Variants in KLC3 observed in about 807,000 individuals in gnomAD.
The protein encoded by KLC3 is kinesin light chain 3, also known as kinesin light chain 2.
A neutral mutation model predicts 62.9 loss-of-function variants in KLC3; 72 were observed. That is an observed-to-expected ratio of 1.15 (90% CI 0.95 to 1.39). KLC3 has a LOEUF of 1.39. Among genes scored for constraint, KLC3 ranks in the 40% most tolerant of loss-of-function variants. KLC3 has a pLI of 0.00. For synonymous variants in KLC3, 377 were observed against 300.5 expected, an observed-to-expected ratio of 1.25 and a Z score of -2.63; for missense variants, 848 against 691.6, an observed-to-expected ratio of 1.23 and a Z score of -2.54.
rs1486176055 is a variant in KLC3 at position 45,345,814 on chromosome 19, G to A, written c.258+15G>A. Reference sequence around the variant, plus strand: ...GCGAGGCCCAGGTATGAGGGGGCCAGGTGGGGAGCTGGGGGAAGGTCAGCT... The same window carrying A: ...GCGAGGCCCAGGTATGAGGGGGCCAAGTGGGGAGCTGGGGGAAGGTCAGCT... On this transcript the variant is annotated intron_variant, in intron 2 of 12. Coordinates refer to ENST00000391946, the MANE Select transcript of KLC3 (RefSeq NM_177417.3). 1.9e-6 allele frequency: 3 copies of A among 1,541,102 alleles called. No individual in the cohort carries two copies. In the Admixed American group the frequency reaches 6.0e-5, roughly 31 times the overall value.
chr19:45,351,424 A>C lies in KLC3; in HGVS notation c.*67A>C. On this transcript the variant is annotated 3_prime_UTR_variant, in exon 13 of 13. Transcript: ENST00000391946. ...GCAGGAGGGATGGGCTGGTGGGGTG[A>C]GAGGGGGTCTATCATCTCCTGGCCC... 6.3e-7 allele frequency: 1 copy of C among 1,592,970 alleles called. No individual in the cohort carries two copies. Among genetic ancestry groups the C allele is most frequent in the Non-Finnish European group, 8.5e-7 (1 of 1,172,890 alleles).
At position 45,348,826 on chromosome 19, in the gene KLC3, G is replaced by A. The variant is rs763647964; in HGVS notation, c.874G>A (p.Ala292Thr). 2.0e-5 allele frequency: 32 copies of A among 1,566,740 alleles called. No homozygotes were observed. Among genetic ancestry groups the A allele is most frequent in the South Asian group, 5.9e-5 (5 of 85,184 alleles). The change falls in exon 7 of 13, where the codon GCC becomes ACC. Residue 292 changes from alanine (A) to threonine (T), a missense_variant. By Grantham distance (58) the Ala-to-Thr change is moderately conservative (BLOSUM62 0). Transcript: ENST00000391946. ...TLGPEHPAVA[A>T]TLNNLAVLYG... Reference sequence around the variant, plus strand: ...GCCTCCCCCAACCCCGCAGGTGGCCGCCACGCTCAACAACTTGGCTGTCCT... The same window carrying A: ...GCCTCCCCCAACCCCGCAGGTGGCCACCACGCTCAACAACTTGGCTGTCCT...
At chr19:45,349,054 C>G in intron 7 of KLC3, 133 bp downstream of exon 7, 2 of 761,514 alleles carry the variant, frequency 2.6e-6, no homozygotes, top group Non-Finnish European at 4.2e-6. Flanking sequence ...CAGTTGGAGC[C>G]TAGATCACCC....
At chr19:45,347,171 C>T (rs1348028520) in intron 3 of KLC3, 11 of 451,050 alleles carry the variant, frequency 2.4e-5, no homozygotes, top group East Asian at 2.1e-4. Context: ...GGAGAAACCC[C>T]GTCTCTACTA....
chr19:45,351,495 T>TTAAAGGC lies in KLC3; in HGVS notation c.*140_*146dup. The TTAAAGGC allele has an allele frequency of 6.3e-7, 1 of 1,593,802 alleles. No homozygotes were observed. The highest frequency in any genetic ancestry group is 1.7e-5 in the Admixed American group (1 of 59,620). On this transcript the variant is annotated 3_prime_UTR_variant, in exon 13 of 13. Coordinates refer to ENST00000391946, the MANE Select transcript of KLC3 (RefSeq NM_177417.3). ...GGTGGATAGCTGCCTTCTCCTGCGA[T>TTAAAGGC]TAAAGGCTGTGGACGTGACAGTGAG...
chr19:45,347,340 CAAA>C (rs538695727), intron 3 of KLC3, 104 bp from the exon 4 acceptor site: 789 of 554,766 alleles, frequency 1.4e-3, no homozygotes, highest in East Asian at 1.8e-3. Context: ...AACTCCGTCT[CAAA>C]AAAAAAAAAA....
chr19:45,347,391 C>T, intron 3 of KLC3, 56 bp from the exon 4 acceptor site: 8 of 1,351,748 alleles, frequency 5.9e-6, no homozygotes, highest in Non-Finnish European at 8.4e-6. Context: ...AGCCAGGGCC[C>T]CGGTCTCTGA....
chr19:45,349,405 T>C, intron 7 of KLC3, 24 bp from the exon 8 acceptor site: 1 of 1,585,872 alleles, frequency 6.3e-7, no homozygotes, highest in Non-Finnish European at 8.6e-7. Context: ...ATGATCCCTC[T>C]GACTTGTGAC....
intron 1 of KLC3, among the ~76,000 whole-genome samples, chr19:45,341,230 AAG>A (rs767581932): frequency 1.9e-4 from 23 of 121,146 alleles, no homozygotes; most frequent in Middle Eastern, 7.1e-3. Flanking sequence ...GCGTGTGTGT[AAG>A]AGAGTGTGTC....
At chr19:45,346,452 G>A (rs779336193) in intron 2 of KLC3, 92 bp from the exon 3 acceptor site, 4 of 1,047,664 alleles carry the variant, frequency 3.8e-6, no homozygotes, top group Non-Finnish European at 5.4e-6. Context: ...ATAGTAGTGG[G>A]GTGCTACGGC....
At chr19:45,346,327 G>C (rs1971489295) in intron 2 of KLC3, among the ~76,000 whole-genome samples, 1 of 152,270 alleles carries the variant, frequency 6.6e-6, no homozygotes, top group South Asian at 2.1e-4. Context: ...GCATTCTTCA[G>C]TAAACTGTGG....
intron 3 of KLC3, 104 bp downstream of exon 3, chr19:45,346,878 A>C: frequency 9.1e-7 from 1 of 1,104,556 alleles, no homozygotes; most frequent in Non-Finnish European, 1.3e-6. Flanking sequence ...CCTCCTTAGA[A>C]TCCCACAGTC....
At position 45,347,951 on chromosome 19, in the gene KLC3, C is replaced by T. The variant is rs368478144; in HGVS notation, c.570C>T (p.Ala190=). 68 of 1,603,216 alleles carry T rather than the reference C, an allele frequency of 4.2e-5. No individual in the cohort carries two copies. Among genetic ancestry groups the T allele is most frequent in the Admixed American group, 2.2e-4 (13 of 58,712 alleles). The change falls in exon 5 of 13, where the codon GCC becomes GCT. Residue 190 remains alanine, a synonymous_variant. Transcript: ENST00000391946. ...SEEEERKGPE[A]AGAAAAQQGG... ...CCCCACCCCACCTAGGTCCTGAGGC[C>T]GCAGGAGCAGCAGCTGCTCAGCAGG... is the stretch of plus-strand genomic sequence containing the variant.
In KLC3 at chr19:45,345,707, G is replaced by A. The variant is rs1169318485; in HGVS notation, c.166G>A (p.Gly56Ser). 6.4e-7 allele frequency: 1 copy of A among 1,567,462 alleles called. No homozygotes were observed. The highest frequency in any genetic ancestry group is 8.6e-7 in the Non-Finnish European group (1 of 1,157,274). Residue 56 changes from glycine to serine, a missense_variant, in exon 2 of 13, where the codon GGC becomes AGC. Coordinates refer to ENST00000391946, the MANE Select transcript of KLC3 (RefSeq NM_177417.3). ...CCTGGCGGAGGCCCTGGCGGGACAG[G>A]GCCCGGCAGCCGGCTTGGAGATGCT... ...GHLAEALAGQ[G>S]PAAGLEMLEE... is the part of the protein sequence containing the mutation.
In KLC3 at chr19:45,349,060, CACCCA is replaced by C. The variant is rs144519324; in HGVS notation, c.969+145_969+149del. The C allele has an allele frequency of 4.8e-3, 3,547 of 739,854 alleles. 88 individuals carry two copies. The African/African-American group carries it at 0.056, about 12-fold the overall frequency. 45.8% of individuals were successfully genotyped at this position (739,854 alleles called of 1,614,324 possible). A position where few individuals can be genotyped will look rare whatever the true frequency, so the allele number is the denominator to read the frequency against. ...GGGAGACCCCAGTTGGAGCCTAGAT[CACCCA>C]ACCCATCACCCTTGACCTTCTGAGA... On this transcript the variant is annotated intron_variant, in intron 7 of 12. Transcript: ENST00000391946.
chr19:45,351,040 A>C (rs1212116665), intron 12 of KLC3, 23 bp downstream of exon 12: 2 of 1,614,026 alleles, frequency 1.2e-6, no homozygotes, highest in South Asian at 1.1e-5. Flanking sequence ...TCTGGGTCAA[A>C]AATAGAGGAG....
At chr19:45,351,227 G>C in intron 12 of KLC3, 59 bp from the exon 13 acceptor site, 2 of 1,591,422 alleles carry the variant, frequency 1.3e-6, no homozygotes, top group Non-Finnish European at 1.7e-6. Context: ...GGAGCTGGAG[G>C]GTGGATGTAA....
rs577073969 is a variant in KLC3 at position 45,343,577 on chromosome 19, C to T, written c.-8-1957C>T. Among the ~76,000 whole-genome samples, 23 of 152,270 alleles carry T rather than the reference C, an allele frequency of 1.5e-4. No homozygotes were observed. The East Asian group carries it at 4.5e-3, about 29-fold the overall frequency. ...CTCAAACTCCTGACCTCAACTGATC[C>T]ACCCACCTCGGCCTCCCAAAGTGCT... On this transcript the variant is annotated intron_variant, in intron 1 of 12. Coordinates refer to ENST00000391946, the MANE Select transcript of KLC3 (RefSeq NM_177417.3).
chr19:45,348,538 C>A, intron 5 of KLC3, 108 bp from the exon 6 acceptor site: 1 of 1,081,674 alleles, frequency 9.2e-7, no homozygotes, highest in Non-Finnish European at 1.4e-6. Context: ...GCCACCCATG[C>A]TTGGTTCAGC....
Sources: allele counts gnomAD v4.1 joint callset (sites outside exome capture counted in the v4.1 genomes callset), GRCh38; gene constraint gnomAD v4.1.1; transcripts MANE v1.5; gene names NCBI Gene and HGNC (gene_info 2026-07-23, HGNC 2026-07-21).